ADARB2: variants seen among roughly 807,000 people sequenced by gnomAD.
The protein encoded by ADARB2 is adenosine deaminase RNA specific B2 (inactive), also known as inactive double-stranded RNA-specific editase B2.
ADARB2 carries 25 observed loss-of-function variants against 62.2 expected under a neutral mutation model. The ratio of observed to expected loss-of-function variants is 0.40; its 90% CI spans 0.29 to 0.56. The LOEUF (loss-of-function observed/expected upper bound fraction) is 0.56. Among genes scored for constraint, ADARB2 ranks in the 20% least tolerant of loss-of-function variants. The pLI is 0.43. For synonymous variants in ADARB2, 572 were observed against 500.8 expected (o/e 1.14, Z -1.90); for missense variants, 1,071 against 1,077.4 (o/e 0.99, Z 0.08).
chr10:1,199,872 G>T, intron 8 of ADARB2, 94 bp downstream of exon 8: 1 of 1,311,464 alleles, frequency 7.6e-7, no homozygotes, highest in Non-Finnish European at 1.0e-6. Context: ...AGCCAACATG[G>T]ATGAAGTCTG....
At chr10:1,267,340 TGTG>T (rs547284704) in intron 4 of ADARB2, among the ~76,000 whole-genome samples, 2 of 152,328 alleles carry the variant, frequency 1.3e-5, no homozygotes, top group South Asian at 4.1e-4. Context: ...AATTTTGAGA[TGTG>T]GGAATATTCA....
At chr10:1,391,463 T>TTC (rs1325468681) in intron 1 of ADARB2, among the ~76,000 whole-genome samples, 1 of 152,312 alleles carries the variant, frequency 6.6e-6, no homozygotes, top group African/African-American at 2.4e-5. Flanking sequence ...GTGAGTTTGT[T>TTC]TCTCACAGGC....
intron 1 of ADARB2, among the ~76,000 whole-genome samples, chr10:1,495,915 CCAT>C (rs964375615): frequency 5.9e-5 from 9 of 151,690 alleles, no homozygotes; most frequent in East Asian, 1.9e-4. Context: ...ATTATCACCA[CCAT>C]CATCATCATT....
intron 1 of ADARB2, among the ~76,000 whole-genome samples, chr10:1,628,402 A>T (rs1444673236): frequency 6.6e-6 from 1 of 152,234 alleles, no homozygotes; most frequent in Non-Finnish European, 1.5e-5. Context: ...GCTCTAAGTG[A>T]TGCTTTCAAA....
chr10:1,692,872 G>A lies in ADARB2; in HGVS notation c.100+44179C>T, dbSNP rs139393901. Reference sequence around the variant, plus strand: ...CAAGGTTCTATGTTAGACTATTTTAGTTAGCATGTTTGATAAGACTTGCAG... The same window carrying A: ...CAAGGTTCTATGTTAGACTATTTTAATTAGCATGTTTGATAAGACTTGCAG... On this transcript the variant is annotated intron_variant, in intron 1 of 9. Transcript: ENST00000381312. Among the ~76,000 whole-genome samples, 14 of 152,276 alleles carry A rather than the reference G, an allele frequency of 9.2e-5. No individual in the cohort carries two copies. In the East Asian group the frequency reaches 2.5e-3, roughly 27 times the overall value.
chr10:1,259,502 T>C (rs980499306), intron 4 of ADARB2, among the ~76,000 whole-genome samples: 1 of 152,192 alleles, frequency 6.6e-6, no homozygotes, highest in African/African-American at 2.4e-5. Flanking sequence ...AAACTACCAT[T>C]AGAGAATACT....
At chr10:1,581,825 GATGTGTGT>G (rs774955794) in intron 1 of ADARB2, among the ~76,000 whole-genome samples, 174 of 47,946 alleles carry the variant, frequency 3.6e-3, no homozygotes, top group Non-Finnish European at 5.7e-3. Flanking sequence ...CTTAGAAATA[GATGTGTGT>G]GTGTGTGTGT....
At chr10:1,507,752 C>T (rs932249352) in intron 1 of ADARB2, among the ~76,000 whole-genome samples, 18 of 152,104 alleles carry the variant, frequency 1.2e-4, no homozygotes, top group Admixed American at 9.2e-4. Context: ...TGCCAGATAG[C>T]GGGTGTACAG....
At chr10:1,485,728 T>A (rs1287880617) in intron 1 of ADARB2, among the ~76,000 whole-genome samples, 3 of 152,230 alleles carry the variant, frequency 2.0e-5, no homozygotes, top group Non-Finnish European at 4.4e-5. Flanking sequence ...GGCTTAGGCT[T>A]TGCAGAATTG....
intron 1 of ADARB2, among the ~76,000 whole-genome samples, chr10:1,665,073 C>A (rs1834298286): frequency 6.6e-6 from 1 of 152,198 alleles, no homozygotes; most frequent in Non-Finnish European, 1.5e-5. Flanking sequence ...TCATTAAAAT[C>A]TCTAGAGTTG....
intron 3 of ADARB2, among the ~76,000 whole-genome samples, chr10:1,308,031 GTAAC>G (rs1160771877): frequency 6.7e-6 from 1 of 149,904 alleles, no homozygotes; most frequent in Non-Finnish European, 1.5e-5. Context: ...GTATACATAT[GTAAC>G]TAACCTGCAC....
At chr10:1,263,002 A>G (rs1274841822) in intron 4 of ADARB2, among the ~76,000 whole-genome samples, 3 of 151,944 alleles carry the variant, frequency 2.0e-5, no homozygotes, top group Non-Finnish European at 4.4e-5. Context: ...GAAACTGGAA[A>G]CCATCATTCT....
intron 1 of ADARB2, among the ~76,000 whole-genome samples, chr10:1,633,064 G>T (rs80216996): frequency 6.6e-6 from 1 of 152,112 alleles, no homozygotes; most frequent in African/African-American, 2.4e-5. Flanking sequence ...TCAGACTCCC[G>T]TGCTCCTGCT....
chr10:1,213,013 A>G (rs1391047418), intron 7 of ADARB2, among the ~76,000 whole-genome samples: 1 of 152,238 alleles, frequency 6.6e-6, no homozygotes, highest in Non-Finnish European at 1.5e-5. Context: ...GAGGAGGGAA[A>G]GGCTTTGGGG....
At chr10:1,418,856 A>G (rs1476626138) in intron 1 of ADARB2, among the ~76,000 whole-genome samples, 4 of 152,088 alleles carry the variant, frequency 2.6e-5, no homozygotes, top group Admixed American at 2.0e-4. Context: ...GATTTTTGTC[A>G]GTTGTCTTGG....
At chr10:1,395,675 G>A (rs572784597) in intron 1 of ADARB2, among the ~76,000 whole-genome samples, 2 of 152,256 alleles carry the variant, frequency 1.3e-5, no homozygotes, top group East Asian at 3.9e-4. Context: ...TCCCTGCGAC[G>A]CAGACCATCC....
At chr10:1,480,053 A>G (rs1047641425) in intron 1 of ADARB2, among the ~76,000 whole-genome samples, 1 of 139,984 alleles carries the variant, frequency 7.1e-6, no homozygotes, top group Non-Finnish European at 1.6e-5. Flanking sequence ...GATAAAAACC[A>G]TATACAAAAC....
At chr10:1,719,902 C>G (rs1279284173) in intron 1 of ADARB2, among the ~76,000 whole-genome samples, 1 of 152,108 alleles carries the variant, frequency 6.6e-6, no homozygotes, top group Non-Finnish European at 1.5e-5. Context: ...CAGATGCTGG[C>G]AAAGCTATGG....
chr10:1,684,513 C>T (rs61831976), intron 1 of ADARB2, among the ~76,000 whole-genome samples: 4,488 of 152,244 alleles, frequency 0.029, 102 homozygotes, highest in Middle Eastern at 0.071. Flanking sequence ...ATGAATGGGG[C>T]ACTTTTCTTA....
Sources: allele counts gnomAD v4.1 joint callset (sites outside exome capture counted in the v4.1 genomes callset), GRCh38; gene constraint gnomAD v4.1.1; transcripts MANE v1.5; gene names NCBI Gene and HGNC (gene_info 2026-07-23, HGNC 2026-07-21).